Variants in SCN2A observed in about 807,000 individuals in gnomAD.
SCN2A encodes the protein sodium channel protein type 2 subunit alpha.
A neutral mutation model predicts 188.7 loss-of-function variants in SCN2A; 20 were observed. The ratio of observed to expected loss-of-function variants is 0.11; its 90% CI spans 0.07 to 0.15. The LOEUF (loss-of-function observed/expected upper bound fraction) is 0.15, where lower values mean the gene tolerates loss of function less well. Ranked by LOEUF, SCN2A falls within the 10% of genes least tolerant of loss-of-function variation. The pLI, the probability that SCN2A is intolerant of heterozygous loss-of-function variation, is 1.00. For missense variants in SCN2A, 1,278 were observed against 2,445.0 expected (o/e 0.52, Z 10.07); for synonymous variants, 804 against 833.1 (o/e 0.97, Z 0.60).
intron 1 of SCN2A, among the ~76,000 whole-genome samples, chr2:165,253,912 T>C (rs1327509753): frequency 6.6e-6 from 1 of 152,026 alleles, no homozygotes; most frequent in East Asian, 1.9e-4. Context: ...CTAATATTTC[T>C]AAGCAATCAT....
intron 19 of SCN2A, 125 bp downstream of exon 19, chr2:165,367,496 G>T: frequency 1.8e-6 from 2 of 1,123,840 alleles, no homozygotes; most frequent in Admixed American, 2.0e-5. Context: ...TATGTGTGAC[G>T]TGTTTAGCAC....
At chr2:165,300,608 AG>A (rs1696756566) in intron 3 of SCN2A, among the ~76,000 whole-genome samples, 1 of 152,166 alleles carries the variant, frequency 6.6e-6, no homozygotes, top group Non-Finnish European at 1.5e-5. Flanking sequence ...GAGAACAGCA[AG>A]TATGAAGGTA....
chr2:165,348,070 A>G (rs1246646786), intron 16 of SCN2A, among the ~76,000 whole-genome samples: 1 of 152,162 alleles, frequency 6.6e-6, no homozygotes, highest in Non-Finnish European at 1.5e-5. Context: ...TTTAATGTAT[A>G]TACTCTTGCC....
At chr2:165,271,332 G>A (rs1695094026) in intron 1 of SCN2A, 1 of 152,140 alleles carries the variant, frequency 6.6e-6, no homozygotes, top group African/African-American at 2.4e-5. Flanking sequence ...TTGGACTTGT[G>A]CTTCCCATTA....
intron 1 of SCN2A, among the ~76,000 whole-genome samples, chr2:165,291,491 TTTTCTTTC>T (rs373832509): frequency 7.7e-5 from 3 of 38,834 alleles, no homozygotes; most frequent in Non-Finnish European, 1.0e-4. Flanking sequence ...TCTTTCTTTC[TTTTCTTTC>T]TTTCTTTCTT....
intron 11 of SCN2A, among the ~76,000 whole-genome samples, chr2:165,318,957 T>C (rs1432975285): frequency 6.6e-6 from 1 of 152,136 alleles, no homozygotes; most frequent in African/African-American, 2.4e-5. Context: ...AAAGAATGAA[T>C]GTTACTAATG....
At position 165,307,451 on chromosome 2, in the gene SCN2A, A is replaced by G. The variant is rs1282568030; in HGVS notation, c.387-397A>G. Among the ~76,000 whole-genome samples, 5 of 152,152 alleles carry G rather than the reference A, an allele frequency of 3.3e-5. 1 individual carries two copies. In the East Asian group the frequency reaches 5.8e-4, roughly 18 times the overall value. ...AGGGTAACTTTTAGAATGATGTTAT[A>G]ATACATTTAATTAATTACTTGAATT... On this transcript the variant is annotated intron_variant, in intron 3 of 26. Coordinates refer to ENST00000375437, the MANE Select transcript of SCN2A (RefSeq NM_001040142.2).
At chr2:165,342,491 A>G in intron 15 of SCN2A, 22 bp downstream of exon 15, 1 of 1,612,812 alleles carries the variant, frequency 6.2e-7, no homozygotes, top group Non-Finnish European at 8.5e-7. Flanking sequence ...GGGAGTGTTC[A>G]TAAAATGTAC....
Position 165,380,620 on chromosome 2 carries a change from A to G in SCN2A, c.4337A>G (p.Asn1446Ser), listed in dbSNP as rs768084127. The change falls in exon 24 of 27, where the codon AAC (asparagine) becomes AGC (serine). Residue 1446 changes from asparagine to serine, a missense_variant. This residue lies in a region of SCN2A where 97 missense variants were observed against 266.1 expected (regional missense o/e 0.36). Transcript: ENST00000375437. ...GAATTACAACCCAAGTATGAAGACA[A>G]CCTGTACATGTATCTTTATTTTGTC... ...NVELQPKYED[N>S]LYMYLYFVIF... is the part of the protein sequence containing the mutation. 3.8e-6 allele frequency: 6 copies of G among 1,583,928 alleles called. No individual in the cohort carries two copies. The highest frequency in any genetic ancestry group is 1.7e-4 in the Middle Eastern group (1 of 5,904).
chr2:165,378,709 T>G (rs537917661), intron 23 of SCN2A, among the ~76,000 whole-genome samples: 1 of 151,892 alleles, frequency 6.6e-6, no homozygotes, highest in East Asian at 1.9e-4. Context: ...TATCAATAGC[T>G]TATATGCCAT....
intron 16 of SCN2A, among the ~76,000 whole-genome samples, chr2:165,348,401 C>T (rs922556303): frequency 2.0e-5 from 3 of 148,818 alleles, no homozygotes; most frequent in African/African-American, 7.4e-5. Context: ...GACATGATTT[C>T]CTCTCATATA....
rs1469368149 is a variant in SCN2A at position 165,344,878 on chromosome 2, C to T, written c.2886C>T (p.Val962=). 2.5e-6 allele frequency: 4 copies of T among 1,614,052 alleles called. No individual in the cohort carries two copies. Among genetic ancestry groups the T allele is most frequent in the Non-Finnish European group, 3.4e-6 (4 of 1,180,048 alleles). ...CTGGCCAAACCATGTGCCTTACTGTCTTCATGATGGTCATGGTGATTGGAA... is the reference window on the plus strand; with the variant it reads ...CTGGCCAAACCATGTGCCTTACTGTTTTCATGATGGTCATGGTGATTGGAA... ...EVAGQTMCLT[V]FMMVMVIGNL... is the part of the protein sequence containing the mutation. The change falls in exon 16 of 27, where the codon GTC becomes GTT. Residue 962 remains valine (V), a synonymous_variant. Transcript: ENST00000375437.
chr2:165,256,002 T>TTTTTC lies in SCN2A; in HGVS notation c.-52+16366_-52+16367insCTTTT, dbSNP rs1553557643. The stretch of plus-strand genomic sequence containing the variant: ...ATGTTTTCATTTGGGGCTCTTTTCT[T>TTTTTC]TTTTTTTTTTTTTTTTTTGGTGATG... On this transcript the variant is annotated intron_variant, in intron 1 of 26. Transcript: ENST00000375437. Among the ~76,000 whole-genome samples, 5 of 135,658 alleles carry TTTTTC rather than the reference T, an allele frequency of 3.7e-5. No homozygotes were observed. The South Asian group carries it at 7.4e-4, about 20-fold the overall frequency. The allele number at this position is 135,658 out of a possible 152,430, so 89.0% of individuals were successfully genotyped here.
chr2:165,280,106 T>A (rs1695521594), intron 1 of SCN2A, among the ~76,000 whole-genome samples: 1 of 152,194 alleles, frequency 6.6e-6, no homozygotes, highest in African/African-American at 2.4e-5. Flanking sequence ...AGGTATGTCT[T>A]TATCAGCAGC....
At chr2:165,365,788 AAGAT>A (rs765508103) in intron 18 of SCN2A, among the ~76,000 whole-genome samples, 31 of 152,328 alleles carry the variant, frequency 2.0e-4, no homozygotes, top group Non-Finnish European at 2.9e-4. Flanking sequence ...TTTCTGAAAA[AAGAT>A]AGATCATAAA....
intron 8 of SCN2A, among the ~76,000 whole-genome samples, chr2:165,313,246 C>T (rs1697540581): frequency 1.3e-5 from 2 of 152,036 alleles, no homozygotes; most frequent in Non-Finnish European, 1.5e-5. Context: ...ACTTCTTTAC[C>T]CTGTTCCCAC....
chr2:165,325,694 C>A (rs1698319508), intron 12 of SCN2A, among the ~76,000 whole-genome samples: 1 of 151,908 alleles, frequency 6.6e-6, no homozygotes, highest in Non-Finnish European at 1.5e-5. Flanking sequence ...TAAGAGGCAC[C>A]CTTTGGATTA....
Position 165,311,966 on chromosome 2 carries a change from G to T in SCN2A, c.971-59G>T, listed in dbSNP as rs1697458936. 6 of 1,207,950 alleles carry T rather than the reference G, an allele frequency of 5.0e-6. No individual in the cohort carries two copies. The South Asian group carries it at 7.4e-5, about 15-fold the overall frequency. 74.8% of individuals were successfully genotyped at this position (1,207,950 alleles called of 1,614,324 possible). A position where few individuals can be genotyped will look rare whatever the true frequency, so the allele number is the denominator to read the frequency against. On this transcript the variant is annotated intron_variant, in intron 7 of 26. Transcript: ENST00000375437. ...TTGTGAGCTTTGCCACCTAAACAGG[G>T]TGGCTGAAGTGTTTTACAGGATTTT... is the stretch of plus-strand genomic sequence containing the variant.
chr2:165,294,141 G>A, intron 1 of SCN2A: 1 of 969,458 alleles, frequency 1.0e-6, no homozygotes, highest in Non-Finnish European at 1.2e-6. Context: ...CAGGGGTAAT[G>A]TTTTATTATT....
Sources: gnomAD v4.1 joint callset for allele counts (sites outside exome capture counted in the v4.1 genomes callset) on GRCh38, gnomAD v4.1.1 for gene constraint, gnomAD v4.1.1 regional missense constraint, MANE v1.5 for transcripts, NCBI Gene and HGNC (gene_info 2026-07-23, HGNC 2026-07-21) for gene names.